The following ADAM9 variants were observed in gnomAD, a reference collection of about 807,000 sequenced individuals.
ADAM9 encodes the protein disintegrin and metalloproteinase domain-containing protein 9.
In ADAM9, 54 loss-of-function variants were observed where a neutral mutation model predicts 108.1. The ratio of observed to expected loss-of-function variants is 0.50; its 90% CI spans 0.40 to 0.63. The LOEUF is 0.63. Ranked by LOEUF, ADAM9 falls within the 20% of genes least tolerant of loss-of-function variation. ADAM9 has a pLI of 0.00. For missense variants in ADAM9, 830 were observed against 997.7 expected (o/e 0.83, Z 2.26); for synonymous variants, 316 against 336.0 (o/e 0.94, Z 0.65).
chr8:39,016,104 TA>T lies in ADAM9; in HGVS notation c.334-13del. On this transcript the variant is annotated splice_polypyrimidine_tract_variant and intron_variant, in intron 4 of 21. Transcript: ENST00000487273. ...GTAGCAATATTTGAAGATAATACAG[TA>T]TTTTTCATTTAGAATCATTGTCATT... The T allele has an allele frequency of 6.2e-7, 1 of 1,608,260 alleles. No individual in the cohort carries two copies.
chr8:39,071,404 G>C lies in ADAM9; in HGVS notation c.1697+1G>C. On this transcript the variant is annotated splice_donor_variant, in intron 15 of 21. Transcript: ENST00000487273. LOFTEE classifies it high-confidence loss of function. The stretch of plus-strand genomic sequence containing the variant: ...ATGAATACAAGAAGTGTGCCACTGG[G>C]TAAGTGGAGGTGCGGTCATAATGGA... 6.2e-7 allele frequency: 1 copy of C among 1,605,700 alleles called. No homozygotes were observed. Among genetic ancestry groups the C allele is most frequent in the Non-Finnish European group, 8.5e-7 (1 of 1,172,700 alleles).
In ADAM9 at chr8:39,077,228, G is replaced by T. The variant is rs1564357857; in HGVS notation, c.1698G>T (p.Gly566=). 1 of 1,613,786 alleles carries T rather than the reference G, an allele frequency of 6.2e-7. No homozygotes were observed. Among genetic ancestry groups the T allele is most frequent in the African/African-American group, 1.3e-5 (1 of 74,958 alleles). ...SGNEYKKCAT[G]NALCGKLQCE... is the part of the protein sequence containing the mutation. ...TTGCATTATTTCTCTCTCTTTATAG[G>T]AATGCTTTGTGTGGAAAGCTTCAGT... Residue 566 remains glycine (G), a splice_region_variant and synonymous_variant, in exon 16 of 22, where the codon GGG becomes GGT. Coordinates refer to ENST00000487273, the MANE Select transcript of ADAM9 (RefSeq NM_003816.3).
At chr8:39,017,961 AAGAG>A (rs373545066) in intron 6 of ADAM9, among the ~76,000 whole-genome samples, 13 of 152,230 alleles carry the variant, frequency 8.5e-5, no homozygotes, top group African/African-American at 2.7e-4. Context: ...AGATTGGAAA[AAGAG>A]AGAGATACGG....
intron 21 of ADAM9, among the ~76,000 whole-genome samples, chr8:39,102,270 G>A (rs1663422563): frequency 6.6e-6 from 1 of 152,138 alleles, no homozygotes; most frequent in Non-Finnish European, 1.5e-5. Context: ...AAAAAAGCTG[G>A]ACAATATAAG....
chr8:39,064,274 A>G (rs1268544000), intron 14 of ADAM9, among the ~76,000 whole-genome samples: 1 of 152,184 alleles, frequency 6.6e-6, no homozygotes, highest in African/African-American at 2.4e-5. Context: ...TTAAAAATCT[A>G]ATCAGATTAG....
Position 39,103,662 on chromosome 8 carries a change from C to A in ADAM9, c.2422C>A (p.Pro808Thr). 3.7e-6 allele frequency: 6 copies of A among 1,614,112 alleles called. No individual in the cohort carries two copies. Among genetic ancestry groups the A allele is most frequent in the Non-Finnish European group, 5.1e-6 (6 of 1,180,002 alleles). ...TCAGGGAAACTTAATTCCTGCCCGT[C>A]CTGCTCCTGCACCTCCTTTATATAG... ...SSQGNLIPARPAPAPPLYSSL... is the reference protein window; with the variant it reads ...SSQGNLIPARTAPAPPLYSSL... Residue 808 changes from proline (P) to threonine (T), a missense_variant, in exon 22 of 22, where the codon CCT becomes ACT. Pro to Thr is a conservative substitution (Grantham distance 38). Coordinates refer to ENST00000487273, the MANE Select transcript of ADAM9 (RefSeq NM_003816.3).
At chr8:39,065,821 A>G (rs1838451254) in intron 14 of ADAM9, among the ~76,000 whole-genome samples, 1 of 152,218 alleles carries the variant, frequency 6.6e-6, no homozygotes, top group East Asian at 1.9e-4. Context: ...TCACATATGT[A>G]TACATGTGCC....
At chr8:39,001,786 G>C (rs1288356208) in intron 1 of ADAM9, among the ~76,000 whole-genome samples, 1 of 151,738 alleles carries the variant, frequency 6.6e-6, no homozygotes, top group Non-Finnish European at 1.5e-5. Context: ...TTCTGCCTCA[G>C]CCTCCTGAGT....
At position 39,013,081 on chromosome 8, in the gene ADAM9, C is replaced by T. The variant is rs73617972; in HGVS notation, c.255-884C>T. ...TCCATAAGGCCTGGAAATAAGCATACAGCTGCTCCAGTCCTGCTGCAAGAG... is the reference window on the plus strand; with the variant it reads ...TCCATAAGGCCTGGAAATAAGCATATAGCTGCTCCAGTCCTGCTGCAAGAG... On this transcript the variant is annotated intron_variant, in intron 3 of 21. Transcript: ENST00000487273. Among the ~76,000 whole-genome samples, 1,138 of 151,984 alleles carry T rather than the reference C, an allele frequency of 7.5e-3. 17 individuals carry two copies. Among genetic ancestry groups the T allele is most frequent in the African/African-American group, 0.026 (1,079 of 41,286 alleles).
intron 11 of ADAM9, among the ~76,000 whole-genome samples, chr8:39,035,127 G>A (rs1040164450): frequency 2.6e-5 from 4 of 151,900 alleles, no homozygotes; most frequent in African/African-American, 9.7e-5. Flanking sequence ...TTTTAAATAT[G>A]TTTCCTATCT....
chr8:39,042,164 T>A (rs1837474518), intron 12 of ADAM9, 47 bp downstream of exon 12: 2 of 1,607,412 alleles, frequency 1.2e-6, no homozygotes, highest in Non-Finnish European at 8.5e-7. Context: ...CCATGATATT[T>A]GCAAGAAATA....
chr8:39,046,300 TTG>T (rs1837771908), intron 12 of ADAM9, among the ~76,000 whole-genome samples: 1 of 152,186 alleles, frequency 6.6e-6, no homozygotes, highest in Non-Finnish European at 1.5e-5. Context: ...GACCTTATTT[TTG>T]TGTGTCAGTT....
rs997980813 is a variant in ADAM9 at position 39,104,140 on chromosome 8, T to A, written c.*440T>A. On this transcript the variant is annotated 3_prime_UTR_variant, in exon 22 of 22. Transcript: ENST00000487273. ...TCTAATACCTGTGAAAACTGACTAATCAGCTGCCAATAATATCTAATATTT... is the reference window on the plus strand; with the variant it reads ...TCTAATACCTGTGAAAACTGACTAAACAGCTGCCAATAATATCTAATATTT... The A allele has an allele frequency of 2.2e-6, 1 of 455,066 alleles. No homozygotes were observed. Among genetic ancestry groups the A allele is most frequent in the Non-Finnish European group, 4.4e-6 (1 of 227,546 alleles). The allele number at this position is 455,066 out of a possible 1,614,324, so 28.2% of individuals were successfully genotyped here.
At chr8:39,042,791 C>A (rs1342060151) in intron 12 of ADAM9, among the ~76,000 whole-genome samples, 1 of 152,088 alleles carries the variant, frequency 6.6e-6, no homozygotes, top group Non-Finnish European at 1.5e-5. Context: ...ATTGATCCTT[C>A]TAAGAGATTT....
intron 2 of ADAM9, among the ~76,000 whole-genome samples, chr8:39,008,459 C>T (rs1318490758): frequency 6.6e-6 from 1 of 152,220 alleles, no homozygotes; most frequent in East Asian, 1.9e-4. Context: ...CAGGTGTGAG[C>T]CACCACGCCC....
rs543192905 is a variant in ADAM9, at chr8:39,054,467, T to C, written c.1303-14T>C. Reference sequence around the variant, plus strand: ...TTACTAATTTCTTTATTGACAGTCATTTTATGTTCACAGGAATGTGAATTG... The same window carrying C: ...TTACTAATTTCTTTATTGACAGTCACTTTATGTTCACAGGAATGTGAATTG... On this transcript the variant is annotated splice_polypyrimidine_tract_variant and intron_variant, in intron 12 of 21. Transcript: ENST00000487273. The C allele has an allele frequency of 6.2e-7, 1 of 1,608,374 alleles. No individual in the cohort carries two copies. The highest frequency in any genetic ancestry group is 1.1e-5 in the South Asian group (1 of 90,976).
At chr8:39,013,904 A>G in intron 3 of ADAM9, 61 bp from the exon 4 acceptor site, 1 of 1,288,770 alleles carries the variant, frequency 7.8e-7, no homozygotes, top group Non-Finnish European at 1.1e-6. Flanking sequence ...TGCCTTATGA[A>G]TCGTGTCCTT....
At chr8:39,071,646 T>C (rs1277519363) in intron 15 of ADAM9, among the ~76,000 whole-genome samples, 2 of 152,082 alleles carry the variant, frequency 1.3e-5, no homozygotes, top group Non-Finnish European at 2.9e-5. Flanking sequence ...TTTTGTATTT[T>C]AGTAGAGATG....
chr8:39,075,339 C>T (rs1314017562), intron 15 of ADAM9, among the ~76,000 whole-genome samples: 5 of 152,146 alleles, frequency 3.3e-5, no homozygotes, highest in Non-Finnish European at 5.9e-5. Context: ...TGGCAATGAC[C>T]AGATCTTGCT....
Sources: gnomAD v4.1 joint callset for allele counts (sites outside exome capture counted in the v4.1 genomes callset) on GRCh38, gnomAD v4.1.1 for gene constraint, MANE v1.5 for transcripts, NCBI Gene and HGNC (gene_info 2026-07-23, HGNC 2026-07-21) for gene names.